The following CNTNAP2 variants were observed in gnomAD, a reference collection of about 807,000 sequenced individuals.
CNTNAP2 encodes the protein contactin associated protein 2.
A neutral mutation model predicts 155.2 loss-of-function variants in CNTNAP2; 98 were observed. That is an observed-to-expected ratio of 0.63 (90% CI 0.54 to 0.75). The LOEUF is 0.75. CNTNAP2 is among the 30% of genes least tolerant of loss of function. The pLI is 0.00. For missense variants in CNTNAP2, 1,727 were observed against 1,688.1 expected, an observed-to-expected ratio of 1.02 and a Z score of -0.40; for synonymous variants, 651 against 631.2, an observed-to-expected ratio of 1.03 and a Z score of -0.47.
chr7:147,556,274 A>G (rs1799950885), intron 11 of CNTNAP2, among the ~76,000 whole-genome samples: 1 of 152,140 alleles, frequency 6.6e-6, no homozygotes, highest in Admixed American at 6.5e-5. Context: ...TTCTTTAAAT[A>G]GAGTCATCAT....
At chr7:148,353,877 T>C (rs1007206837) in intron 21 of CNTNAP2, among the ~76,000 whole-genome samples, 1 of 152,234 alleles carries the variant, frequency 6.6e-6, no homozygotes, top group Non-Finnish European at 1.5e-5. Context: ...AAAATTCCAA[T>C]TTTATATTCC....
chr7:147,047,940 G>C (rs1799397756), intron 4 of CNTNAP2, among the ~76,000 whole-genome samples: 1 of 152,098 alleles, frequency 6.6e-6, no homozygotes, highest in South Asian at 2.1e-4. Flanking sequence ...TTAAAAAGTA[G>C]CATTTCAGTT....
chr7:147,136,585 T>C (rs1414302057), intron 8 of CNTNAP2, among the ~76,000 whole-genome samples: 1 of 151,948 alleles, frequency 6.6e-6, no homozygotes, highest in Non-Finnish European at 1.5e-5. Context: ...TGGGAAATAG[T>C]TCTCAGTTCA....
intron 17 of CNTNAP2, among the ~76,000 whole-genome samples, chr7:148,167,587 G>A (rs61150024): frequency 6.6e-6 from 1 of 152,106 alleles, no homozygotes; most frequent in East Asian, 1.9e-4. Context: ...CTGAAATTCA[G>A]AAAAAAAGAC....
At chr7:147,407,796 G>T (rs555220691) in intron 10 of CNTNAP2, among the ~76,000 whole-genome samples, 1 of 152,198 alleles carries the variant, frequency 6.6e-6, no homozygotes, top group Non-Finnish European at 1.5e-5. Flanking sequence ...TATCAGCTGC[G>T]TGGTTAATGA....
At chr7:146,521,136 G>C (rs909019798) in intron 1 of CNTNAP2, among the ~76,000 whole-genome samples, 1 of 151,862 alleles carries the variant, frequency 6.6e-6, no homozygotes, top group Non-Finnish European at 1.5e-5. Flanking sequence ...AATATGGTCT[G>C]TAACAGAGGT....
At chr7:146,843,029 G>T in intron 3 of CNTNAP2, among the ~76,000 whole-genome samples, 1 of 23,556 alleles carries the variant, frequency 4.2e-5, no homozygotes, top group Non-Finnish European at 8.4e-5. Context: ...TTTTTGAGAC[G>T]GAGTCTCGCT....
At chr7:146,601,880 A>G (rs1798956025) in intron 1 of CNTNAP2, among the ~76,000 whole-genome samples, 1 of 152,056 alleles carries the variant, frequency 6.6e-6, no homozygotes, top group South Asian at 2.1e-4. Context: ...CAAAATTCCA[A>G]GAAAATAAAA....
intron 1 of CNTNAP2, among the ~76,000 whole-genome samples, chr7:146,643,047 T>G (rs80297316): frequency 0.45 from 63,715 of 141,100 alleles, 15,734 homozygotes; most frequent in South Asian, 0.58. Context: ...TCATTGTAGA[T>G]TCTGGATATT....
At chr7:147,062,917 C>T (rs1335030519) in intron 4 of CNTNAP2, among the ~76,000 whole-genome samples, 1 of 152,122 alleles carries the variant, frequency 6.6e-6, no homozygotes, top group East Asian at 1.9e-4. Flanking sequence ...GAAGGAGTTG[C>T]CTTCAAATCA....
intron 1 of CNTNAP2, among the ~76,000 whole-genome samples, chr7:146,650,967 A>C (rs344479): frequency 0.6 from 90,529 of 151,698 alleles, 27,644 homozygotes; most frequent in South Asian, 0.65. Context: ...CTGCAGTGAG[A>C]TATGATCACG....
intron 8 of CNTNAP2, among the ~76,000 whole-genome samples, chr7:147,216,550 CACT>C (rs1803274235): frequency 9.0e-5 from 3 of 33,514 alleles, no homozygotes; most frequent in African/African-American, 3.4e-4. Flanking sequence ...CAACACTAAA[CACT>C]AAACTTATTT....
At chr7:146,748,842 G>T (rs539343452) in intron 1 of CNTNAP2, among the ~76,000 whole-genome samples, 1 of 152,260 alleles carries the variant, frequency 6.6e-6, no homozygotes, top group African/African-American at 2.4e-5. Flanking sequence ...CAATCAGTTT[G>T]TGATTTAATT....
At chr7:147,578,261 G>A (rs1049893285) in intron 12 of CNTNAP2, among the ~76,000 whole-genome samples, 3 of 152,126 alleles carry the variant, frequency 2.0e-5, no homozygotes, top group African/African-American at 7.2e-5. Context: ...AGTTGGCTTT[G>A]CAGGAGATTG....
chr7:146,193,139 A>G (rs1798730116), intron 1 of CNTNAP2, among the ~76,000 whole-genome samples: 1 of 152,186 alleles, frequency 6.6e-6, no homozygotes, highest in South Asian at 2.1e-4. Context: ...CCTCTCTCCC[A>G]GCTGCTTTCA....
intron 14 of CNTNAP2, among the ~76,000 whole-genome samples, chr7:147,908,800 A>C (rs1800011672): frequency 6.6e-6 from 1 of 152,216 alleles, no homozygotes; most frequent in Non-Finnish European, 1.5e-5. Flanking sequence ...TAAGAAAGCT[A>C]TTTTCAATAA....
At chr7:148,003,276 G>C (rs1801927088) in intron 15 of CNTNAP2, among the ~76,000 whole-genome samples, 1 of 152,146 alleles carries the variant, frequency 6.6e-6, no homozygotes, top group South Asian at 2.1e-4. Context: ...AATTACTAGG[G>C]AAAGACTTTG....
At chr7:146,186,885 T>G (rs1439975896) in intron 1 of CNTNAP2, among the ~76,000 whole-genome samples, 1 of 152,160 alleles carries the variant, frequency 6.6e-6, no homozygotes, top group Non-Finnish European at 1.5e-5. Flanking sequence ...TAAGAATGCA[T>G]AATGCATTCA....
chr7:148,220,427 T>C lies in CNTNAP2; in HGVS notation c.3247+2903T>C, dbSNP rs116633578. On this transcript the variant is annotated intron_variant, in intron 19 of 23. Transcript: ENST00000361727. Reference sequence around the variant, plus strand: ...AACATCATAATGTTAACTATGAAAATAAAAATTGAAAAGAATCTGAAAGTT... The same window carrying C: ...AACATCATAATGTTAACTATGAAAACAAAAATTGAAAAGAATCTGAAAGTT... Among the ~76,000 whole-genome samples, 885 of 152,214 alleles carry C rather than the reference T, an allele frequency of 5.8e-3. 12 individuals carry two copies. The highest frequency in any genetic ancestry group is 0.02 in the African/African-American group (841 of 41,544).
Sources: gnomAD v4.1 joint callset for allele counts (sites outside exome capture counted in the v4.1 genomes callset) on GRCh38, gnomAD v4.1.1 for gene constraint, MANE v1.5 for transcripts, NCBI Gene and HGNC (gene_info 2026-07-23, HGNC 2026-07-21) for gene names.